The following NOL4 variants were observed in gnomAD, a reference collection of about 807,000 sequenced individuals.
NOL4 encodes nucleolar protein 4.
In NOL4, 17 loss-of-function variants were observed where a neutral mutation model predicts 75.9. That is an observed-to-expected ratio of 0.22 (90% CI 0.15 to 0.34). NOL4 has a LOEUF of 0.34. Ranked by LOEUF, NOL4 falls within the 10% of genes least tolerant of loss-of-function variation. The pLI, the probability that NOL4 is intolerant of heterozygous loss-of-function variation, is 1.00. For missense variants in NOL4, 614 were observed against 793.5 expected, an observed-to-expected ratio of 0.77 and a Z score of 2.72; for synonymous variants, 292 against 289.9, an observed-to-expected ratio of 1.01 and a Z score of -0.07.
intron 5 of NOL4, among the ~76,000 whole-genome samples, chr18:34,091,213 A>T (rs79910581): frequency 7.7e-6 from 1 of 129,832 alleles, no homozygotes; most frequent in East Asian, 2.2e-4. Context: ...AAAAAAAAAA[A>T]TTAGCTGGGT....
intron 5 of NOL4, among the ~76,000 whole-genome samples, chr18:34,084,958 GTTATAAAGGAACACAGCA>G (rs2078180068): frequency 6.6e-6 from 1 of 152,158 alleles, no homozygotes; most frequent in Non-Finnish European, 1.5e-5. Flanking sequence ...GTACAAGAAA[GTTATAAAGGAACACAGCA>G]TGGTGTTCAG....
chr18:34,165,597 A>C (rs953708497), intron 1 of NOL4, among the ~76,000 whole-genome samples: 4 of 152,184 alleles, frequency 2.6e-5, no homozygotes, highest in African/African-American at 4.8e-5. Flanking sequence ...AGAGTAACAA[A>C]TATCTTCTTA....
chr18:34,080,659 T>C (rs746912518), intron 5 of NOL4, among the ~76,000 whole-genome samples: 1 of 152,304 alleles, frequency 6.6e-6, no homozygotes, highest in South Asian at 2.1e-4. Context: ...TTTTAAGAGA[T>C]GGGCTCTTGC....
intron 6 of NOL4, among the ~76,000 whole-genome samples, chr18:33,968,918 T>C (rs993548190): frequency 5.9e-5 from 9 of 152,208 alleles, no homozygotes; most frequent in African/African-American, 2.2e-4. Context: ...ATTGAAAGAA[T>C]AGAAAAATAA....
chr18:34,180,130 G>A (rs2033911652), intron 1 of NOL4, among the ~76,000 whole-genome samples: 1 of 151,470 alleles, frequency 6.6e-6, no homozygotes, highest in African/African-American at 2.4e-5. Context: ...ACTTACCAAT[G>A]CATTCTATAA....
intron 1 of NOL4, among the ~76,000 whole-genome samples, chr18:34,168,254 A>T (rs774234814): frequency 1.3e-5 from 2 of 152,020 alleles, no homozygotes; most frequent in Non-Finnish European, 2.9e-5. Context: ...CTACAAAAAG[A>T]CAATAAAACT....
At chr18:33,870,984 C>G (rs948842004) in intron 10 of NOL4, among the ~76,000 whole-genome samples, 1 of 151,898 alleles carries the variant, frequency 6.6e-6, no homozygotes, top group Non-Finnish European at 1.5e-5. Flanking sequence ...GTGAGTGGAC[C>G]AAGCAACAAC....
rs1282898173 is a variant in NOL4, at chr18:34,224,695, G to A, written c.-1442C>T. The A allele has an allele frequency of 6.6e-6, 1 of 152,276 alleles. No individual in the cohort carries two copies. The highest frequency in any genetic ancestry group is 2.4e-5 in the African/African-American group (1 of 41,432). The allele number at this position is 152,276 out of a possible 1,614,324, so 9.4% of individuals were successfully genotyped here. A position where few individuals can be genotyped will look rare whatever the true frequency, so the allele number is the denominator to read the frequency against. On this transcript the variant is annotated 5_prime_UTR_variant, in exon 1 of 11. Coordinates refer to ENST00000261592, the MANE Select transcript of NOL4 (RefSeq NM_003787.5). ...ACTAAATCCCGGAAAGGGAAAGCGG[G>A]ATGTTTGCGCCCACCGCGCTGTAGC...
intron 9 of NOL4, among the ~76,000 whole-genome samples, chr18:33,915,826 G>C (rs1320983118): frequency 6.6e-6 from 1 of 152,110 alleles, no homozygotes; most frequent in Non-Finnish European, 1.5e-5. Flanking sequence ...CTCTCTCCTG[G>C]GAACCAGGTA....
At chr18:34,187,842 G>T (rs2034611134) in intron 1 of NOL4, among the ~76,000 whole-genome samples, 1 of 152,142 alleles carries the variant, frequency 6.6e-6, no homozygotes, top group Non-Finnish European at 1.5e-5. Context: ...CAACTCACTT[G>T]TGTAAATACC....
intron 6 of NOL4, among the ~76,000 whole-genome samples, chr18:33,978,402 C>A (rs1351983567): frequency 6.6e-6 from 1 of 152,012 alleles, no homozygotes; most frequent in Non-Finnish European, 1.5e-5. Context: ...TTCCATTAGT[C>A]AGGTCTCTAC....
chr18:33,890,629 T>A (rs1351827071), intron 9 of NOL4, among the ~76,000 whole-genome samples: 1 of 152,230 alleles, frequency 6.6e-6, no homozygotes, highest in East Asian at 1.9e-4. Flanking sequence ...GAGAACTTTT[T>A]AAAATACATA....
chr18:33,923,759 G>A (rs1285198320), intron 9 of NOL4, among the ~76,000 whole-genome samples: 1 of 152,058 alleles, frequency 6.6e-6, no homozygotes, highest in Non-Finnish European at 1.5e-5. Flanking sequence ...TAAGCAAAAA[G>A]TAAATAAGAA....
Position 33,884,610 on chromosome 18 carries a change from C to CT in NOL4, c.1543-1187dup, listed in dbSNP as rs879544887. ...TTCACTTTCCTTCTGCATTCTTCAT[C>CT]TTTTTTTTTTTTTACTTTTTGTTAA... is the stretch of plus-strand genomic sequence containing the variant. On this transcript the variant is annotated intron_variant, in intron 9 of 10. Transcript: ENST00000261592. 5.8e-3 allele frequency among the ~76,000 whole-genome samples: 828 copies of CT among 143,670 alleles called. 4 individuals carry two copies. The highest frequency in any genetic ancestry group is 0.014 in the African/African-American group (574 of 39,628). 94.3% of individuals were successfully genotyped at this position (143,670 alleles called of 152,430 possible).
chr18:34,035,941 C>G (rs1827188604), intron 5 of NOL4, among the ~76,000 whole-genome samples: 2 of 151,966 alleles, frequency 1.3e-5, no homozygotes, highest in Non-Finnish European at 2.9e-5. Context: ...AATAGAAAAC[C>G]TGAACAGACC....
intron 8 of NOL4, among the ~76,000 whole-genome samples, chr18:33,948,807 C>T (rs552998413): frequency 8.6e-5 from 13 of 152,030 alleles, no homozygotes; most frequent in African/African-American, 3.1e-4. Context: ...TGGTCTCTGC[C>T]ATCATAGAGT....
Position 33,962,187 on chromosome 18 carries a change from G to A in NOL4, c.1057-3769C>T, listed in dbSNP as rs1011001988. Among the ~76,000 whole-genome samples the A allele has an allele frequency of 3.3e-5, 5 of 152,188 alleles. No homozygotes were observed. In the East Asian group the frequency reaches 9.7e-4, roughly 29 times the overall value. ...TAGATCTCACTATTACTGAAATTAA[G>A]CCCTGGACCCTTAAGTTGTATAATA... On this transcript the variant is annotated intron_variant, in intron 6 of 10. Coordinates refer to ENST00000261592, the MANE Select transcript of NOL4 (RefSeq NM_003787.5).
intron 5 of NOL4, among the ~76,000 whole-genome samples, chr18:34,075,140 T>C (rs115897679): frequency 5.3e-5 from 8 of 152,292 alleles, no homozygotes; most frequent in African/African-American, 9.6e-5. Context: ...GGGACAACAA[T>C]TGTTTCAACT....
chr18:33,993,296 A>T (rs1600179680), intron 6 of NOL4, among the ~76,000 whole-genome samples: 1 of 151,978 alleles, frequency 6.6e-6, no homozygotes. Context: ...AGAAATAAAT[A>T]GTCTAAGAGA....
Sources: allele counts gnomAD v4.1 joint callset (sites outside exome capture counted in the v4.1 genomes callset), GRCh38; gene constraint gnomAD v4.1.1; transcripts MANE v1.5; gene names NCBI Gene and HGNC (gene_info 2026-07-23, HGNC 2026-07-21).